Variants in XRCC2 observed in about 807,000 individuals in gnomAD.
The protein encoded by XRCC2 is DNA repair protein XRCC2.
XRCC2 carries 24 observed loss-of-function variants against 27.3 expected under a neutral mutation model. The ratio of observed to expected loss-of-function variants is 0.88; its 90% confidence interval spans 0.64 to 1.24. The LOEUF is 1.24. Ranked by LOEUF, XRCC2 falls within the 50% of genes most tolerant of loss-of-function variation. The pLI, the probability that XRCC2 is intolerant of heterozygous loss-of-function variation, is 0.00. For synonymous variants in XRCC2, 106 were observed against 115.4 expected (o/e 0.92, Z 0.52); for missense variants, 321 against 325.8 (o/e 0.99, Z 0.11).
chr7:152,667,520 C>G (rs1053664150), intron 1 of XRCC2, among the ~76,000 whole-genome samples: 1 of 151,168 alleles, frequency 6.6e-6, no homozygotes. Flanking sequence ...CAATCTGCAT[C>G]AGACTTTCCA....
Position 152,656,372 on chromosome 7 carries a change from A to G in XRCC2, c.121+4329T>C, listed in dbSNP as rs529858075. Among the ~76,000 whole-genome samples, 4 of 152,258 alleles carry G rather than the reference A, an allele frequency of 2.6e-5. No individual in the cohort carries two copies. In the South Asian group the frequency reaches 8.3e-4, roughly 32 times the overall value. ...AACCCCATCTCTACTAAAAATACAG[A>G]TGAGACAGAGCAAGACTCTATCTCA... On this transcript the variant is annotated intron_variant, in intron 2 of 2. Transcript: ENST00000359321.
chr7:152,654,794 G>C (rs1385444197), intron 2 of XRCC2, among the ~76,000 whole-genome samples: 1 of 152,114 alleles, frequency 6.6e-6, no homozygotes, highest in Non-Finnish European at 1.5e-5. Flanking sequence ...TAGCAAAGCA[G>C]GTATAAAAAA....
In XRCC2 at chr7:152,647,437, A is replaced by G. The variant is rs2098026528; in HGVS notation, c.*1205T>C. 1 of 152,020 alleles carries G rather than the reference A, an allele frequency of 6.6e-6. No individual in the cohort carries two copies. The highest frequency in any genetic ancestry group is 6.6e-5 in the Admixed American group (1 of 15,254). 9.4% of individuals were successfully genotyped at this position (152,020 alleles called of 1,614,324 possible). A position where few individuals can be genotyped will look rare whatever the true frequency, so the allele number is the denominator to read the frequency against. On this transcript the variant is annotated 3_prime_UTR_variant, in exon 3 of 3. Coordinates refer to ENST00000359321, the MANE Select transcript of XRCC2 (RefSeq NM_005431.2). ...TTTGTGAATTTTTGCTTCTGTTGCAATTGTTTTTGGCGTCTTCGTCATGAA... is the reference window on the plus strand; with the variant it reads ...TTTGTGAATTTTTGCTTCTGTTGCAGTTGTTTTTGGCGTCTTCGTCATGAA...
intron 1 of XRCC2, among the ~76,000 whole-genome samples, chr7:152,675,346 C>T (rs2098040444): frequency 6.6e-6 from 1 of 152,116 alleles, no homozygotes; most frequent in Non-Finnish European, 1.5e-5. Flanking sequence ...AACTTTTGTG[C>T]AATACTGTAA....
intron 1 of XRCC2, chr7:152,663,845 C>A (rs33979075): frequency 0.077 from 8,271 of 107,804 alleles, 465 homozygotes; most frequent in Admixed American, 0.23. Context: ...TCCCCCTGCC[C>A]CCCCCCCCCA....
At chr7:152,662,256 G>A (rs1358008541) in intron 1 of XRCC2, among the ~76,000 whole-genome samples, 7 of 152,032 alleles carry the variant, frequency 4.6e-5, no homozygotes, top group Admixed American at 2.6e-4. Context: ...GTGAGCCACC[G>A]CGCCCAGCCT....
Position 152,645,029 on chromosome 7 carries a change from T to C in XRCC2, c.*3613A>G, listed in dbSNP as rs911471467. On this transcript the variant is annotated 3_prime_UTR_variant, in exon 3 of 3. Coordinates refer to ENST00000359321, the MANE Select transcript of XRCC2 (RefSeq NM_005431.2). ...ATAGTTTTTATATTTTATTTTCACA[T>C]TGAAAATCAGTAAGATTTGCTTCAG... 1 of 152,204 alleles carries C rather than the reference T, an allele frequency of 6.6e-6. No individual in the cohort carries two copies. Among genetic ancestry groups the C allele is most frequent in the Non-Finnish European group, 1.5e-5 (1 of 68,038 alleles). 9.4% of individuals were successfully genotyped at this position (152,204 alleles called of 1,614,324 possible). A position where few individuals can be genotyped will look rare whatever the true frequency, so the allele number is the denominator to read the frequency against.
chr7:152,674,051 G>A (rs1342890410), intron 1 of XRCC2, among the ~76,000 whole-genome samples: 1 of 152,132 alleles, frequency 6.6e-6, no homozygotes, highest in African/African-American at 2.4e-5. Flanking sequence ...CACTTAAAGG[G>A]AAAGAGACTG....
intron 2 of XRCC2, among the ~76,000 whole-genome samples, chr7:152,655,192 G>A (rs1427673382): frequency 6.6e-6 from 1 of 152,126 alleles, no homozygotes; most frequent in African/African-American, 2.4e-5. Context: ...CAAATAGAAC[G>A]CTGTAAGGAG....
intron 1 of XRCC2, among the ~76,000 whole-genome samples, chr7:152,669,603 A>G (rs995638599): frequency 4.6e-5 from 7 of 151,572 alleles, no homozygotes; most frequent in African/African-American, 1.7e-4. Context: ...GAGTTTCACC[A>G]TGTTGGCCAG....
chr7:152,673,205 CAG>C (rs1294616098), intron 1 of XRCC2, among the ~76,000 whole-genome samples: 1 of 152,016 alleles, frequency 6.6e-6, no homozygotes, highest in Non-Finnish European at 1.5e-5. Flanking sequence ...TTTTTTGAGA[CAG>C]AGTTTTGCTC....
At chr7:152,659,025 T>C (rs2098031960) in intron 2 of XRCC2, among the ~76,000 whole-genome samples, 1 of 152,264 alleles carries the variant, frequency 6.6e-6, no homozygotes, top group Admixed American at 6.5e-5. Context: ...GCTCTATTTT[T>C]AATTGTTTGA....
chr7:152,646,681 T>G lies in XRCC2; in HGVS notation c.*1961A>C, dbSNP rs2098026097. 1 of 152,168 alleles carries G rather than the reference T, an allele frequency of 6.6e-6. No individual in the cohort carries two copies. 9.4% of individuals were successfully genotyped at this position (152,168 alleles called of 1,614,324 possible). A position where few individuals can be genotyped will look rare whatever the true frequency, so the allele number is the denominator to read the frequency against. On this transcript the variant is annotated 3_prime_UTR_variant, in exon 3 of 3. Coordinates refer to ENST00000359321, the MANE Select transcript of XRCC2 (RefSeq NM_005431.2). ...TAATAGAGATGGGGTTTCACCGTGT[T>G]GCCCAGGCTGGTCTTGACCTCCTGA... is the stretch of plus-strand genomic sequence containing the variant.
chr7:152,656,974 C>T (rs576422955), intron 2 of XRCC2, among the ~76,000 whole-genome samples: 33 of 152,186 alleles, frequency 2.2e-4, no homozygotes, highest in South Asian at 1.0e-3. Context: ...TGGTGGCTCA[C>T]CTCTGTAATC....
At chr7:152,668,308 G>A (rs2098036798) in intron 1 of XRCC2, among the ~76,000 whole-genome samples, 1 of 152,034 alleles carries the variant, frequency 6.6e-6, no homozygotes. Flanking sequence ...TACTGTATGG[G>A]AAAAAACATA....
chr7:152,662,604 G>C (rs1208881828), intron 1 of XRCC2, among the ~76,000 whole-genome samples: 52 of 110,540 alleles, frequency 4.7e-4, no homozygotes, highest in African/African-American at 1.9e-3. Flanking sequence ...ACGGAGTCTC[G>C]CTCTGTCGCC....
intron 1 of XRCC2, among the ~76,000 whole-genome samples, chr7:152,668,448 T>C (rs1323108143): frequency 6.6e-6 from 1 of 152,232 alleles, no homozygotes; most frequent in East Asian, 1.9e-4. Flanking sequence ...TTAAAATTAA[T>C]GATGTCCAGA....
rs764652360 is a variant in XRCC2 at position 152,649,246 on chromosome 7, A to G, written c.239T>C (p.Phe80Ser). The part of the protein sequence containing the change: ...SEGGLEVEVL[F>S]IDTDYHFDML... ...ATCAAAGTGGTAATCTGTATCAATAAATAAGACTTCTACTTCCAGGCCACC... is the reference window on the plus strand; with the variant it reads ...ATCAAAGTGGTAATCTGTATCAATAGATAAGACTTCTACTTCCAGGCCACC... Residue 80 changes from phenylalanine (F) to serine (S), a missense_variant, in exon 3 of 3, where the codon TTT (phenylalanine) becomes TCT (serine). By Grantham distance (155) the Phe-to-Ser change is radical. Coordinates refer to ENST00000359321, the MANE Select transcript of XRCC2 (RefSeq NM_005431.2). 2.5e-6 allele frequency: 4 copies of G among 1,613,894 alleles called. No homozygotes were observed. In the South Asian group the frequency reaches 4.4e-5, roughly 18 times the overall value.
At chr7:152,654,832 G>C (rs3218501) in intron 2 of XRCC2, among the ~76,000 whole-genome samples, 13,206 of 152,246 alleles carry the variant, frequency 0.087, 945 homozygotes, top group African/African-American at 0.2. Flanking sequence ...GGAAGACACT[G>C]CAAACTTGCA....
Sources: gnomAD v4.1 joint callset for allele counts (sites outside exome capture counted in the v4.1 genomes callset) on GRCh38, gnomAD v4.1.1 for gene constraint, MANE v1.5 for transcripts, NCBI Gene and HGNC (gene_info 2026-07-23, HGNC 2026-07-21) for gene names.